CTNNA2: variants seen among roughly 807,000 people sequenced by gnomAD.
CTNNA2 encodes catenin alpha 2.
A neutral mutation model predicts 101.0 loss-of-function variants in CTNNA2; 42 were observed. That is an observed-to-expected ratio of 0.42 (90% confidence interval 0.32 to 0.54). The LOEUF is 0.54. Among genes scored for constraint, CTNNA2 ranks in the 20% least tolerant of loss-of-function variants. CTNNA2 has a pLI of 0.14. For missense variants in CTNNA2, 871 were observed against 1,223.1 expected (o/e 0.71, Z 4.29); for synonymous variants, 450 against 456.4 (o/e 0.99, Z 0.18).
At chr2:80,129,740 C>T (rs1381470874) in intron 7 of CTNNA2, among the ~76,000 whole-genome samples, 1 of 152,130 alleles carries the variant, frequency 6.6e-6, no homozygotes, top group Non-Finnish European at 1.5e-5. Context: ...AAACTCACAG[C>T]ATAAATCACT....
intron 13 of CTNNA2, among the ~76,000 whole-genome samples, chr2:80,577,974 G>A (rs1236203573): frequency 1.3e-5 from 2 of 152,142 alleles, no homozygotes; most frequent in South Asian, 4.1e-4. Context: ...CAACTCACAT[G>A]TCCAGGTGAA....
intron 7 of CTNNA2, among the ~76,000 whole-genome samples, chr2:80,062,851 G>A (rs567899955): frequency 1.5e-4 from 23 of 151,852 alleles, no homozygotes; most frequent in African/African-American, 3.9e-4. Flanking sequence ...GACTACAGGC[G>A]CCCGCCACCA....
At chr2:80,586,560 G>A (rs1182984476) in intron 14 of CTNNA2, 3 of 152,166 alleles carry the variant, frequency 2.0e-5, no homozygotes, top group Non-Finnish European at 4.4e-5. Flanking sequence ...GGAAAAAAGT[G>A]CATATATAAT....
At chr2:80,123,257 C>T (rs762981051) in intron 7 of CTNNA2, among the ~76,000 whole-genome samples, 5 of 152,086 alleles carry the variant, frequency 3.3e-5, no homozygotes, top group Non-Finnish European at 5.9e-5. Context: ...ATGGAGAAAC[C>T]GGGTCGTCCT....
chr2:80,113,461 T>C (rs541675457), intron 7 of CTNNA2, among the ~76,000 whole-genome samples: 3 of 152,366 alleles, frequency 2.0e-5, no homozygotes, highest in Non-Finnish European at 4.4e-5. Context: ...CATGAGTCTG[T>C]AGTCCATAGA....
intron 3 of CTNNA2, among the ~76,000 whole-genome samples, chr2:79,842,705 TG>T (rs201755482): frequency 9.3e-4 from 135 of 144,732 alleles, no homozygotes; most frequent in Middle Eastern, 7.0e-3. Context: ...TTTGGGTGTG[TG>T]TTTTTTTTTT....
At chr2:79,820,351 T>C (rs1016841109) in intron 3 of CTNNA2, among the ~76,000 whole-genome samples, 18 of 152,302 alleles carry the variant, frequency 1.2e-4, no homozygotes, top group African/African-American at 3.8e-4. Context: ...TTTATCCCAA[T>C]TCTCTAGTAG....
intron 3 of CTNNA2, among the ~76,000 whole-genome samples, chr2:79,360,627 C>G (rs1392426127): frequency 6.6e-6 from 1 of 152,096 alleles, no homozygotes; most frequent in African/African-American, 2.4e-5. Context: ...ATACTTAGAG[C>G]CTTCTTCAGG....
intron 2 of CTNNA2, among the ~76,000 whole-genome samples, chr2:79,226,207 T>C (rs1247728337): frequency 1.3e-5 from 2 of 152,152 alleles, no homozygotes; most frequent in African/African-American, 4.8e-5. Flanking sequence ...TATTTTTCCT[T>C]GAAAGATTAT....
Position 79,677,452 on chromosome 2 carries a change from C to T in CTNNA2, c.102+25794C>T, listed in dbSNP as rs117327688. ...AATGACAAATCTAGAATGGCATAGG[C>T]GGATCAAATGGGGGAGAAACAATAG... is the stretch of plus-strand genomic sequence containing the variant. On this transcript the variant is annotated intron_variant, in intron 2 of 18. Coordinates refer to ENST00000402739, the MANE Select transcript of CTNNA2 (RefSeq NM_001282597.3). Among the ~76,000 whole-genome samples, 123 of 152,162 alleles carry T rather than the reference C, an allele frequency of 8.1e-4. 2 individuals carry two copies. The East Asian group carries it at 0.014, about 17-fold the overall frequency.
At chr2:79,331,041 G>T (rs1277529822) in intron 3 of CTNNA2, among the ~76,000 whole-genome samples, 2 of 152,146 alleles carry the variant, frequency 1.3e-5, no homozygotes, top group African/African-American at 2.4e-5. Context: ...GTTCTGTTCT[G>T]CATTTTTCAA....
chr2:80,634,212 T>C (rs1219275162), intron 18 of CTNNA2, among the ~76,000 whole-genome samples: 1 of 152,082 alleles, frequency 6.6e-6, no homozygotes, highest in African/African-American at 2.4e-5. Flanking sequence ...AATATGAGTA[T>C]ATAAGAATAT....
chr2:80,485,902 G>A (rs72914992), intron 9 of CTNNA2, among the ~76,000 whole-genome samples: 12,118 of 152,040 alleles, frequency 0.08, 1,573 homozygotes, highest in African/African-American at 0.27. Flanking sequence ...GCTTCATGAT[G>A]GTATTTTGCA....
At chr2:80,164,063 A>G (rs923807831) in intron 7 of CTNNA2, among the ~76,000 whole-genome samples, 2 of 151,480 alleles carry the variant, frequency 1.3e-5, no homozygotes, top group Non-Finnish European at 2.9e-5. Flanking sequence ...TGATTTTCTT[A>G]TAGAGAGCAT....
chr2:79,860,553 T>TTTTTTG (rs1176724103), intron 4 of CTNNA2, among the ~76,000 whole-genome samples: 7 of 149,920 alleles, frequency 4.7e-5, no homozygotes, highest in Non-Finnish European at 8.9e-5. Flanking sequence ...GAAGTTTTTT[T>TTTTTTG]TTTTTTTTTT....
intron 1 of CTNNA2, among the ~76,000 whole-genome samples, chr2:79,528,805 A>G (rs941599510): frequency 9.2e-5 from 14 of 152,172 alleles, no homozygotes; most frequent in African/African-American, 3.1e-4. Context: ...GCCACAATAT[A>G]GCTGAAAAGA....
chr2:80,313,300 C>G lies in CTNNA2; in HGVS notation c.1057-79911C>G, dbSNP rs1039472965. 4.0e-6 allele frequency: 4 copies of G among 998,446 alleles called. No homozygotes were observed. In the Admixed American group the frequency reaches 1.3e-4, roughly 33 times the overall value. 61.8% of individuals were successfully genotyped at this position (998,446 alleles called of 1,614,324 possible). ...TGACAAGAATCTTGAAAATGCCTTT[C>G]TAATTATTTAACATACGTGTTTGCT... On this transcript the variant is annotated intron_variant, in intron 7 of 18. Transcript: ENST00000402739.
At chr2:79,365,662 A>AG (rs1300109620) in intron 3 of CTNNA2, among the ~76,000 whole-genome samples, 2 of 151,162 alleles carry the variant, frequency 1.3e-5, no homozygotes, top group South Asian at 2.1e-4. Context: ...AAAAAAGGGA[A>AG]GTGGGGGGGA....
chr2:79,254,084 CCA>C lies in CTNNA2; in HGVS notation c.-406+56010_-406+56011del, dbSNP rs531280255. On this transcript the variant is annotated intron_variant, in intron 2 of 21. Coordinates refer to the CTNNA2 transcript ENST00000466387. Reference sequence around the variant, plus strand: ...GTAAGATCAAGCACTCTCTGGATAACCACTTGTTGCAAATGCTCAAGATTTAT... The same window carrying C: ...GTAAGATCAAGCACTCTCTGGATAACCTTGTTGCAAATGCTCAAGATTTAT... 3.1e-3 allele frequency among the ~76,000 whole-genome samples: 477 copies of C among 152,250 alleles called. 2 individuals are homozygous for C. Among genetic ancestry groups the C allele is most frequent in the African/African-American group, 0.011 (452 of 41,528 alleles).
Sources: allele counts gnomAD v4.1 joint callset (sites outside exome capture counted in the v4.1 genomes callset), GRCh38; gene constraint gnomAD v4.1.1; transcripts MANE v1.5; gene names NCBI Gene and HGNC (gene_info 2026-07-23, HGNC 2026-07-21).